Variants in CFAP299 observed in about 807,000 individuals in gnomAD.
The protein encoded by CFAP299 is cilia and flagella associated protein 299.
A neutral mutation model predicts 27.0 loss-of-function variants in CFAP299; 21 were observed. That is an observed-to-expected ratio of 0.78 (90% CI 0.55 to 1.12). CFAP299 has a LOEUF of 1.12. Among genes scored for constraint, CFAP299 ranks in the 50% most tolerant of loss-of-function variants. CFAP299 has a pLI of 0.00. For missense variants in CFAP299, 310 were observed against 276.6 expected, an observed-to-expected ratio of 1.12 and a Z score of -0.86; for synonymous variants, 104 against 98.1, an observed-to-expected ratio of 1.06 and a Z score of -0.36.
chr4:80,410,612 G>A (rs1048594367), intron 2 of CFAP299, among the ~76,000 whole-genome samples: 1 of 152,174 alleles, frequency 6.6e-6, no homozygotes, highest in African/African-American at 2.4e-5. Context: ...GTATAGAACT[G>A]TATTGCATGT....
At chr4:80,426,224 C>A (rs1727523283) in intron 2 of CFAP299, among the ~76,000 whole-genome samples, 1 of 151,036 alleles carries the variant, frequency 6.6e-6, no homozygotes, top group Non-Finnish European at 1.5e-5. Context: ...ATTTAATAGA[C>A]ATATTCTCAG....
intron 3 of CFAP299, among the ~76,000 whole-genome samples, chr4:80,839,242 G>A (rs1395730106): frequency 6.6e-6 from 1 of 152,120 alleles, no homozygotes; most frequent in African/African-American, 2.4e-5. Flanking sequence ...CTGATGAGCA[G>A]TATCACATCC....
intron 3 of CFAP299, among the ~76,000 whole-genome samples, chr4:80,675,160 T>C (rs1332759352): frequency 6.6e-6 from 1 of 152,182 alleles, no homozygotes; most frequent in Non-Finnish European, 1.5e-5. Context: ...TCTTTGTGGT[T>C]TTATCTATCT....
At chr4:80,826,274 A>C (rs1014888928) in intron 3 of CFAP299, among the ~76,000 whole-genome samples, 3 of 151,814 alleles carry the variant, frequency 2.0e-5, no homozygotes, top group African/African-American at 4.8e-5. Flanking sequence ...TCACTAGAAA[A>C]AAAACAGAAG....
intron 3 of CFAP299, among the ~76,000 whole-genome samples, chr4:80,838,474 G>C (rs78100352): frequency 0.027 from 4,055 of 152,128 alleles, 128 homozygotes; most frequent in East Asian, 0.14. Context: ...TAAGTTTTCT[G>C]CATATGGCTT....
At chr4:80,370,518 A>C (rs1473222118) in intron 2 of CFAP299, among the ~76,000 whole-genome samples, 1 of 152,226 alleles carries the variant, frequency 6.6e-6, no homozygotes, top group Non-Finnish European at 1.5e-5. Context: ...ATCAAAAACA[A>C]GTTAGTTACT....
rs1450314365 is a variant in CFAP299 at position 80,586,132 on chromosome 4, T to C, written c.333+2949T>C. Among the ~76,000 whole-genome samples the C allele has an allele frequency of 5.3e-5, 8 of 152,274 alleles. No homozygotes were observed. The South Asian group carries it at 1.7e-3, about 32-fold the overall frequency. ...TTCAAAAGGACATTACTGTATTTTC[T>C]AAGCCACAATTTCCTTCTTTGTAAG... On this transcript the variant is annotated intron_variant, in intron 3 of 5. Transcript: ENST00000358105.
intron 2 of CFAP299, among the ~76,000 whole-genome samples, chr4:80,458,139 A>G (rs1187988331): frequency 6.6e-6 from 1 of 152,202 alleles, no homozygotes; most frequent in Non-Finnish European, 1.5e-5. Context: ...GGAAAAATGG[A>G]AAAACAATAG....
intron 1 of CFAP299, among the ~76,000 whole-genome samples, chr4:80,345,100 C>G (rs1289154435): frequency 6.6e-6 from 1 of 152,268 alleles, no homozygotes; most frequent in South Asian, 2.1e-4. Context: ...TCCTCTCTCT[C>G]ATTACTCCTA....
intron 2 of CFAP299, among the ~76,000 whole-genome samples, chr4:80,426,777 G>A (rs1259736994): frequency 6.6e-6 from 1 of 152,208 alleles, no homozygotes; most frequent in African/African-American, 2.4e-5. Flanking sequence ...TCTTAACAAG[G>A]TACTGTGGGG....
intron 3 of CFAP299, among the ~76,000 whole-genome samples, chr4:80,696,870 A>C (rs1341762448): frequency 3.9e-5 from 6 of 152,172 alleles, no homozygotes; most frequent in Admixed American, 3.3e-4. Flanking sequence ...GGATGAAATG[A>C]AGTTGGGGAA....
intron 2 of CFAP299, among the ~76,000 whole-genome samples, chr4:80,581,387 G>A (rs912580567): frequency 5.5e-5 from 8 of 144,520 alleles, no homozygotes; most frequent in Non-Finnish European, 1.2e-4. Flanking sequence ...GTACTAATTA[G>A]TAGTTATTTT....
At chr4:80,952,315 C>T (rs1737822090) in intron 5 of CFAP299, among the ~76,000 whole-genome samples, 2 of 152,074 alleles carry the variant, frequency 1.3e-5, no homozygotes, top group African/African-American at 4.8e-5. Flanking sequence ...TTGAGGTTAA[C>T]TTAAAATATT....
At chr4:80,434,372 C>G (rs1727964346) in intron 2 of CFAP299, among the ~76,000 whole-genome samples, 1 of 152,186 alleles carries the variant, frequency 6.6e-6, no homozygotes, top group Non-Finnish European at 1.5e-5. Context: ...ATTTCCCAAG[C>G]TCCTTTGGAG....
At chr4:80,841,242 T>C (rs959094346) in intron 3 of CFAP299, among the ~76,000 whole-genome samples, 2 of 152,152 alleles carry the variant, frequency 1.3e-5, no homozygotes, top group African/African-American at 4.8e-5. Flanking sequence ...AGCATCTTAA[T>C]TGAAGACCTA....
chr4:80,623,878 T>A (rs756925229), intron 3 of CFAP299, among the ~76,000 whole-genome samples: 2 of 152,112 alleles, frequency 1.3e-5, no homozygotes, highest in African/African-American at 2.4e-5. Flanking sequence ...TGTGGAAGAC[T>A]TGATTTCTGG....
chr4:80,557,552 G>A (rs2110216860), intron 2 of CFAP299, among the ~76,000 whole-genome samples: 1 of 152,186 alleles, frequency 6.6e-6, no homozygotes, highest in East Asian at 1.9e-4. Flanking sequence ...GTACTTCAAA[G>A]CAGTGTATTA....
At chr4:80,853,097 C>A (rs908492967) in intron 3 of CFAP299, among the ~76,000 whole-genome samples, 7 of 152,090 alleles carry the variant, frequency 4.6e-5, no homozygotes, top group Admixed American at 4.6e-4. Flanking sequence ...GTGGCATGAT[C>A]TTGGCTCACT....
chr4:80,479,658 A>G (rs1406096374), intron 2 of CFAP299, among the ~76,000 whole-genome samples: 1 of 152,058 alleles, frequency 6.6e-6, no homozygotes, highest in Non-Finnish European at 1.5e-5. Context: ...TATTCAAATA[A>G]TAAAGAACAT....
Sources: gnomAD v4.1 joint callset for allele counts (sites outside exome capture counted in the v4.1 genomes callset) on GRCh38, gnomAD v4.1.1 for gene constraint, MANE v1.5 for transcripts, NCBI Gene and HGNC (gene_info 2026-07-23, HGNC 2026-07-21) for gene names.